Variants in XIRP2 observed in about 807,000 individuals in gnomAD.
The protein encoded by XIRP2 is xin actin binding repeat containing 2, also known as xin actin-binding repeat-containing protein 2.
A neutral mutation model predicts 277.0 loss-of-function variants in XIRP2; 236 were observed. That is an observed-to-expected ratio of 0.85 (90% CI 0.77 to 0.95). The LOEUF is 0.95. XIRP2 is among the 40% of genes least tolerant of loss of function. The probability of loss-of-function intolerance (pLI) is 0.00; values close to 1 mark genes in which losing one functional copy is unlikely to be tolerated. For synonymous variants in XIRP2, 1,490 were observed against 1,416.5 expected (o/e 1.05, Z -1.17); for missense variants, 4,640 against 4,157.5 (o/e 1.12, Z -3.19).
intron 2 of XIRP2, among the ~76,000 whole-genome samples, chr2:167,135,560 T>A (rs1037603894): frequency 2.0e-5 from 3 of 152,124 alleles, no homozygotes; most frequent in African/African-American, 7.2e-5. Flanking sequence ...TTTTTGAAAG[T>A]CCCTCATCAA....
chr2:167,255,344 A>G (rs1357336139), intron 10 of XIRP2, among the ~76,000 whole-genome samples: 1 of 151,776 alleles, frequency 6.6e-6, no homozygotes, highest in Non-Finnish European at 1.5e-5. Context: ...ATTTTCTTCT[A>G]TCTAAATTCC....
chr2:167,221,401 G>A lies in XIRP2; in HGVS notation c.858+3101G>A, dbSNP rs192048667. Among the ~76,000 whole-genome samples, 68 of 149,044 alleles carry A rather than the reference G, an allele frequency of 4.6e-4. 1 individual carries two copies. In the South Asian group the frequency reaches 0.012, roughly 27 times the overall value. On this transcript the variant is annotated intron_variant, in intron 5 of 10. Coordinates refer to ENST00000409195, the MANE Select transcript of XIRP2 (RefSeq NM_152381.6). ...CTTGAGCCCGGGAGGTGAAGATTGC[G>A]GTGAGCCGAGATGGTGCCATTGCAC...
At chr2:166,959,883 C>G (rs1686257839) in intron 2 of XIRP2, among the ~76,000 whole-genome samples, 1 of 151,660 alleles carries the variant, frequency 6.6e-6, no homozygotes, top group Non-Finnish European at 1.5e-5. Flanking sequence ...TGGAACTGAT[C>G]AGCACAATCA....
chr2:166,890,150 C>G (rs139679240), intron 1 of XIRP2, among the ~76,000 whole-genome samples: 21 of 151,946 alleles, frequency 1.4e-4, no homozygotes, highest in African/African-American at 4.8e-4. Context: ...CACGTGCCAC[C>G]ATGCTGGCTA....
rs557324789 is a variant in XIRP2, at chr2:166,909,464, T to G, written c.408+5574T>G. On this transcript the variant is annotated intron_variant, in intron 2 of 10. Transcript: ENST00000409195. ...ATGCTTGTGATTTTTGCACATTGAT[T>G]TTGTATCCTGAGACTTTGCTGAAGT... is the stretch of plus-strand genomic sequence containing the variant. Among the ~76,000 whole-genome samples, 19 of 152,328 alleles carry G rather than the reference T, an allele frequency of 1.2e-4. No homozygotes were observed. The South Asian group carries it at 3.9e-3, about 32-fold the overall frequency.
chr2:167,256,550 A>C (rs1695663092), intron 10 of XIRP2, among the ~76,000 whole-genome samples: 1 of 151,904 alleles, frequency 6.6e-6, no homozygotes, highest in Admixed American at 6.6e-5. Context: ...TTGAAGTCAT[A>C]GGTTAAATTT....
In XIRP2 at chr2:166,999,110, GATAAA is replaced by G. The variant is rs533899404; in HGVS notation, c.408+95226_408+95230del. Among the ~76,000 whole-genome samples the G allele has an allele frequency of 2.9e-3, 435 of 151,874 alleles. 2 individuals carry two copies. Among genetic ancestry groups the G allele is most frequent in the African/African-American group, 9.8e-3 (405 of 41,420 alleles). On this transcript the variant is annotated intron_variant, in intron 2 of 10. Coordinates refer to ENST00000409195, the MANE Select transcript of XIRP2 (RefSeq NM_152381.6). ...ATCATATATTTATTTTTAAGTGGAA[GATAAA>G]ATAAATACATAAAAATATTTGCTTA... is the stretch of plus-strand genomic sequence containing the variant.
intron 2 of XIRP2, among the ~76,000 whole-genome samples, chr2:167,114,439 A>G (rs2105297952): frequency 6.6e-6 from 1 of 151,840 alleles, no homozygotes; most frequent in African/African-American, 2.4e-5. Context: ...TCCATTATGC[A>G]ATTCTTTTTT....
chr2:167,003,089 C>T (rs555356791), intron 2 of XIRP2, among the ~76,000 whole-genome samples: 6 of 151,858 alleles, frequency 4.0e-5, no homozygotes, highest in Admixed American at 1.3e-4. Context: ...AACATTTCTA[C>T]ATTACAGAGA....
chr2:167,000,938 T>C (rs1222544605), intron 2 of XIRP2, among the ~76,000 whole-genome samples: 1 of 152,134 alleles, frequency 6.6e-6, no homozygotes, highest in Non-Finnish European at 1.5e-5. Flanking sequence ...TACCAGCTAC[T>C]TGGGAGGCTG....
At chr2:166,909,433 A>C (rs951685554) in intron 2 of XIRP2, among the ~76,000 whole-genome samples, 10 of 152,164 alleles carry the variant, frequency 6.6e-5, no homozygotes, top group Non-Finnish European at 1.5e-4. Context: ...TTATTGGTGT[A>C]TAAGAATGCT....
intron 2 of XIRP2, among the ~76,000 whole-genome samples, chr2:167,079,089 A>T (rs755448633): frequency 3.3e-5 from 5 of 152,146 alleles, no homozygotes; most frequent in Non-Finnish European, 7.3e-5. Context: ...ATTTTATTGA[A>T]TGCTTTTCCC....
chr2:167,117,844 G>A (rs151226025), intron 2 of XIRP2, among the ~76,000 whole-genome samples: 63 of 152,210 alleles, frequency 4.1e-4, no homozygotes, highest in Non-Finnish European at 3.7e-4. Context: ...CTAACATTTG[G>A]AAATTATTTT....
intron 4 of XIRP2, among the ~76,000 whole-genome samples, chr2:167,211,269 G>A (rs2105390011): frequency 6.6e-6 from 1 of 152,014 alleles, no homozygotes; most frequent in African/African-American, 2.4e-5. Context: ...GCTAATTTTT[G>A]TATTTTTAGT....
intron 2 of XIRP2, among the ~76,000 whole-genome samples, chr2:166,970,325 A>G (rs1686547563): frequency 1.3e-5 from 2 of 152,048 alleles, no homozygotes; most frequent in Admixed American, 6.6e-5. Context: ...CTTCTTGCCT[A>G]AGCATTGAAA....
chr2:167,197,658 C>G (rs577026130), intron 3 of XIRP2, among the ~76,000 whole-genome samples: 1 of 152,054 alleles, frequency 6.6e-6, no homozygotes, highest in African/African-American at 2.4e-5. Context: ...GAGCCTGAAA[C>G]GAGCATTTCT....
intron 5 of XIRP2, among the ~76,000 whole-genome samples, chr2:167,225,481 G>T (rs1007644054): frequency 6.6e-6 from 1 of 152,014 alleles, no homozygotes; most frequent in Non-Finnish European, 1.5e-5. Flanking sequence ...TTTCTATAAC[G>T]GTCTTAATAG....
intron 2 of XIRP2, among the ~76,000 whole-genome samples, chr2:167,065,275 T>C (rs1203544057): frequency 6.6e-6 from 1 of 151,964 alleles, no homozygotes; most frequent in Admixed American, 6.6e-5. Flanking sequence ...CATTTTTCCA[T>C]GGTTCATTGG....
intron 2 of XIRP2, among the ~76,000 whole-genome samples, chr2:167,005,854 T>C (rs1687490492): frequency 6.6e-6 from 1 of 151,768 alleles, no homozygotes; most frequent in South Asian, 2.1e-4. Flanking sequence ...TTAAAAATTC[T>C]TGACAACCTT....
Sources: allele counts gnomAD v4.1 joint callset (sites outside exome capture counted in the v4.1 genomes callset), GRCh38; gene constraint gnomAD v4.1.1; transcripts MANE v1.5; gene names NCBI Gene and HGNC (gene_info 2026-07-23, HGNC 2026-07-21).